Variants in TRIM5 observed in about 807,000 individuals in gnomAD.
The protein encoded by TRIM5 is tripartite motif-containing protein 5.
In TRIM5, 31 loss-of-function variants were observed where a neutral mutation model predicts 35.6. That is an observed-to-expected ratio of 0.87 (90% CI 0.65 to 1.18). TRIM5 has a LOEUF of 1.18. TRIM5 is among the 50% of genes most tolerant of loss of function. The pLI is 0.00. For synonymous variants in TRIM5, 243 were observed against 215.6 expected, an observed-to-expected ratio of 1.13 and a Z score of -1.11; for missense variants, 609 against 591.6, an observed-to-expected ratio of 1.03 and a Z score of -0.31.
At chr11:5,650,215 T>A in the TRIM5 span, among the ~76,000 whole-genome samples, 1 of 152,212 alleles carries the variant, frequency 6.6e-6, no homozygotes, top group Non-Finnish European at 1.5e-5. Context: ...ATGAATGCAG[T>A]ATGTAGTCAA....
At chr11:5,652,175 C>G in the TRIM5 span, among the ~76,000 whole-genome samples, 1 of 151,852 alleles carries the variant, frequency 6.6e-6, no homozygotes. Flanking sequence ...TTAATTAGAT[C>G]CCATTCGTCA....
chr11:5,664,336 C>T lies in TRIM5; in HGVS notation c.*473G>A. 4 of 989,800 alleles carry T rather than the reference C, an allele frequency of 4.0e-6. No homozygotes were observed. Among genetic ancestry groups the T allele is most frequent in the South Asian group, 4.6e-5 (1 of 21,740 alleles). The allele number at this position is 989,800 out of a possible 1,614,324, so 61.3% of individuals were successfully genotyped here. On this transcript the variant is annotated 3_prime_UTR_variant, in exon 8 of 8. Coordinates refer to ENST00000380034, the MANE Select transcript of TRIM5 (RefSeq NM_033034.3). ...ATCCTCTAGATACAAAACCTCTATA[C>T]TTAAGAGTATACCATTTATGATATT... is the stretch of plus-strand genomic sequence containing the variant.
the TRIM5 span, chr11:5,610,958 G>A: frequency 2.5e-6 from 4 of 1,614,002 alleles, no homozygotes; most frequent in Non-Finnish European, 3.4e-6. Flanking sequence ...AGGTAGATGT[G>A]GCCAAGAAGA....
the TRIM5 span, chr11:5,655,830 G>T: frequency 3.3e-6 from 1 of 304,654 alleles, no homozygotes; most frequent in Non-Finnish European, 4.8e-6. Context: ...AATCTACAGA[G>T]CAGAGGCCTC....
At chr11:5,600,220 C>A in the TRIM5 span, among the ~76,000 whole-genome samples, 1 of 152,116 alleles carries the variant, frequency 6.6e-6, no homozygotes, top group Admixed American at 6.5e-5. Context: ...CAACACCGGC[C>A]CCGCCACTTG....
the TRIM5 span, chr11:5,643,407 A>G: frequency 3.1e-6 from 5 of 1,614,146 alleles, no homozygotes; most frequent in Non-Finnish European, 4.2e-6. Context: ...AAATCTTTAC[A>G]CCAAATACAG....
chr11:5,589,715 T>A, the TRIM5 span: 1 of 158,754 alleles, frequency 6.3e-6, no homozygotes, highest in Non-Finnish European at 1.4e-5. Context: ...GACAGCGTGC[T>A]GGCAGTCCTC....
chr11:5,678,800 G>A (rs1312159635), intron 3 of TRIM5, among the ~76,000 whole-genome samples: 1 of 152,132 alleles, frequency 6.6e-6, no homozygotes, highest in Non-Finnish European at 1.5e-5. Context: ...TCTTCCCCAA[G>A]TAGAGTCACG....
At chr11:5,621,115 T>G in the TRIM5 span, among the ~76,000 whole-genome samples, 14 of 152,218 alleles carry the variant, frequency 9.2e-5, no homozygotes, top group African/African-American at 3.1e-4. Flanking sequence ...GGAAATTCAC[T>G]TCTATCCATT....
chr11:5,631,198 A>G, the TRIM5 span, among the ~76,000 whole-genome samples: 1 of 152,132 alleles, frequency 6.6e-6, no homozygotes, highest in Non-Finnish European at 1.5e-5. Context: ...TCAGGCCAAG[A>G]AGAAATCCTA....
rs56203329 is a variant in TRIM5, at chr11:5,664,612, A to G, written c.*197T>C. 1.3e-5 allele frequency: 17 copies of G among 1,315,388 alleles called. No homozygotes were observed. The highest frequency in any genetic ancestry group is 1.5e-5 in the Non-Finnish European group (16 of 1,036,506). The allele number at this position is 1,315,388 out of a possible 1,614,324, so 81.5% of individuals were successfully genotyped here. A position where few individuals can be genotyped will look rare whatever the true frequency, so the allele number is the denominator to read the frequency against. ...ACGGAAAATGATGAAAAAAATTGCT[A>G]TCAAATGTCAATAAAATATTGGGGA... On this transcript the variant is annotated 3_prime_UTR_variant, in exon 8 of 8. Transcript: ENST00000380034.
intron 4 of TRIM5, among the ~76,000 whole-genome samples, chr11:5,677,721 G>A (rs561702735): frequency 1.9e-4 from 29 of 152,176 alleles, no homozygotes; most frequent in South Asian, 1.7e-3. Context: ...GAGCCACCGC[G>A]CCCAGCCTTT....
At chr11:5,588,814 C>T in the TRIM5 span, 2,418 of 150,044 alleles carry the variant, frequency 0.016, 34 homozygotes, top group South Asian at 0.029. Flanking sequence ...GATGGAGTGT[C>T]GCTTTGTTGC....
At chr11:5,639,937 GA>G in the TRIM5 span, among the ~76,000 whole-genome samples, 1 of 152,096 alleles carries the variant, frequency 6.6e-6, no homozygotes. Flanking sequence ...CAGAGTAAAT[GA>G]TGTATCCATC....
In TRIM5 at chr11:5,679,791, G is replaced by A; in HGVS notation, c.387C>T (p.Phe129=). ...ACTCCCGGGCAACCTCCTCTGTGAG[G>A]AACGTGTGGTGACCACGGTGCTCCT... The part of the protein sequence containing the change: ...RSQEHRGHHT[F]LTEEVAREYQ... The change falls in exon 2 of 8, where the codon TTC becomes TTT. Residue 129 remains phenylalanine, a synonymous_variant. Transcript: ENST00000380034. 2 of 1,608,130 alleles carry A rather than the reference G, an allele frequency of 1.2e-6. No individual in the cohort carries two copies. Among genetic ancestry groups the A allele is most frequent in the Non-Finnish European group, 1.7e-6 (2 of 1,176,692 alleles).
At chr11:5,641,693 T>C in the TRIM5 span, among the ~76,000 whole-genome samples, 1 of 152,218 alleles carries the variant, frequency 6.6e-6, no homozygotes, top group Non-Finnish European at 1.5e-5. Context: ...GCTGTGACTC[T>C]GGTGATGATA....
chr11:5,596,806 A>G, the TRIM5 span: 1 of 1,603,068 alleles, frequency 6.2e-7, no homozygotes, highest in Non-Finnish European at 8.5e-7. Context: ...TCTGTTCCTT[A>G]AGATTAGTTT....
chr11:5,599,396 T>TA, the TRIM5 span, among the ~76,000 whole-genome samples: 1 of 150,916 alleles, frequency 6.6e-6, no homozygotes, highest in African/African-American at 2.4e-5. Flanking sequence ...TTTATTTATT[T>TA]ATTTATTTAT....
the TRIM5 span, among the ~76,000 whole-genome samples, chr11:5,650,643 G>A: frequency 6.6e-6 from 1 of 152,272 alleles, no homozygotes; most frequent in South Asian, 2.1e-4. Flanking sequence ...TTTAGGGCCT[G>A]CTTATGGCCA....
Sources: gnomAD v4.1 joint callset for allele counts (sites outside exome capture counted in the v4.1 genomes callset) on GRCh38, gnomAD v4.1.1 for gene constraint, MANE v1.5 for transcripts, NCBI Gene and HGNC (gene_info 2026-07-23, HGNC 2026-07-21) for gene names.